The following ZFP90 variants were observed in gnomAD, a reference collection of about 807,000 sequenced individuals.
ZFP90 encodes the protein zinc finger protein 90 homolog.
In ZFP90, 38 loss-of-function variants were observed where a neutral mutation model predicts 60.8. The observed-to-expected ratio is 0.62, with a 90% CI of 0.48 to 0.82. The LOEUF (loss-of-function observed/expected upper bound fraction) is 0.82, where lower values mean the gene tolerates loss of function less well. Among genes scored for constraint, ZFP90 ranks in the 40% least tolerant of loss-of-function variants. The pLI is 0.00. For missense variants in ZFP90, 711 were observed against 759.1 expected (o/e 0.94, Z 0.74); for synonymous variants, 287 against 264.8 (o/e 1.08, Z -0.82).
chr16:68,539,446 G>A lies in ZFP90; in HGVS notation c.-69G>A, dbSNP rs1270558712. ...AGGCTCTGGGTGGGCCGGAGGTCGC[G>A]AAATCCGGAGCCCCCCAGAGGCGGT... On this transcript the variant is annotated 5_prime_UTR_variant, in exon 1 of 5. Coordinates refer to ENST00000563169, the MANE Select transcript of ZFP90 (RefSeq NM_001305203.2). 1.1e-5 allele frequency: 4 copies of A among 359,762 alleles called. No individual in the cohort carries two copies. Among genetic ancestry groups the A allele is most frequent in the Non-Finnish European group, 1.5e-5 (3 of 199,484 alleles). The allele number at this position is 359,762 out of a possible 1,614,324, so 22.3% of individuals were successfully genotyped here.
chr16:68,565,803 A>G lies in ZFP90; in HGVS notation c.*1105A>G. On this transcript the variant is annotated 3_prime_UTR_variant, in exon 5 of 5. Transcript: ENST00000563169. Reference sequence around the variant, plus strand: ...GAAGCAACATGCACTGGCTCATTTTATGTGCAAAGAAAAGATTTCACCATT... The same window carrying G: ...GAAGCAACATGCACTGGCTCATTTTGTGTGCAAAGAAAAGATTTCACCATT... 1.0e-6 allele frequency: 1 copy of G among 985,434 alleles called. No homozygotes were observed. The highest frequency in any genetic ancestry group is 1.2e-6 in the Non-Finnish European group (1 of 829,910). The allele number at this position is 985,434 out of a possible 1,614,324, so 61.0% of individuals were successfully genotyped here.
Position 68,564,042 on chromosome 16 carries a change from G to C in ZFP90, c.1255G>C (p.Gly419Arg). The C allele has an allele frequency of 6.2e-7, 1 of 1,614,074 alleles. No individual in the cohort carries two copies. The highest frequency in any genetic ancestry group is 8.5e-7 in the Non-Finnish European group (1 of 1,180,006). Residue 419 changes from glycine to arginine, a missense_variant, in exon 5 of 5, where the codon GGC (glycine) becomes CGC (arginine). Coordinates refer to ENST00000563169, the MANE Select transcript of ZFP90 (RefSeq NM_001305203.2). ...TAAACATATGAGGATTCATAAGAGA[G>C]GCAAACCTTACCAAAGCAGTAACTA... The part of the protein sequence containing the change: ...LYKHMRIHKR[G>R]KPYQSSNYSI...
At chr16:68,533,983 A>C (rs949136335) in intron 2 of ZFP90, 23 of 152,136 alleles carry the variant, frequency 1.5e-4, no homozygotes, top group African/African-American at 5.6e-4. Flanking sequence ...CAGAATCTTT[A>C]TATCTTTAAT....
downstream of ZFP90, among the ~76,000 whole-genome samples, chr16:68,569,392 C>A (rs2091555441): frequency 6.6e-6 from 1 of 152,156 alleles, no homozygotes; most frequent in Non-Finnish European, 1.5e-5. Flanking sequence ...GTGTCGGCCT[C>A]CCAAAGTGCT....
chr16:68,575,897 T>C, exon 3 of ZFP90: 1 of 398,340 alleles, frequency 2.5e-6, no homozygotes, highest in East Asian at 3.6e-5. Flanking sequence ...AATGGCTAAG[T>C]AAGGACCTCC....
intron 2 of ZFP90, among the ~76,000 whole-genome samples, chr16:68,541,113 G>T (rs903830566): frequency 1.3e-5 from 2 of 151,824 alleles, no homozygotes; most frequent in Non-Finnish European, 2.9e-5. Context: ...TCGGCTCACT[G>T]CAACCTCCAC....
chr16:68,560,153 C>T (rs1373919106), intron 4 of ZFP90, among the ~76,000 whole-genome samples: 18 of 106,780 alleles, frequency 1.7e-4, no homozygotes, highest in Admixed American at 1.5e-3. Context: ...CCATGAGATT[C>T]ACCCCTTTAG....
At position 68,566,266 on chromosome 16, in the gene ZFP90, C is replaced by T; in HGVS notation, c.*1568C>T. The T allele has an allele frequency of 1.0e-6, 1 of 985,598 alleles. No homozygotes were observed. The allele number at this position is 985,598 out of a possible 1,614,324, so 61.1% of individuals were successfully genotyped here. On this transcript the variant is annotated 3_prime_UTR_variant, in exon 5 of 5. Transcript: ENST00000563169. ...TCCAGAACCTTTGTTGGTGTGTTGA[C>T]ATTGACCATGCAGACCAATTTGGGC...
At chr16:68,542,285 A>C (rs1012806832) in intron 2 of ZFP90, among the ~76,000 whole-genome samples, 3 of 152,064 alleles carry the variant, frequency 2.0e-5, no homozygotes, top group Non-Finnish European at 2.9e-5. Context: ...TGGAGTTTTC[A>C]CCTTTGAATA....
upstream of ZFP90, among the ~76,000 whole-genome samples, chr16:68,537,525 A>G (rs981036003): frequency 2.0e-5 from 3 of 152,234 alleles, no homozygotes; most frequent in Admixed American, 6.5e-5. Flanking sequence ...TGCTAATTCC[A>G]GACCACTATA....
intron 2 of ZFP90, among the ~76,000 whole-genome samples, chr16:68,554,163 C>T (rs1192157958): frequency 1.3e-5 from 2 of 150,922 alleles, no homozygotes; most frequent in Non-Finnish European, 3.0e-5. Flanking sequence ...GCTCTGTTGC[C>T]CCGGCTGGAG....
At chr16:68,547,830 A>ACC (rs138044678) in intron 2 of ZFP90, among the ~76,000 whole-genome samples, 1 of 145,016 alleles carries the variant, frequency 6.9e-6, no homozygotes, top group Non-Finnish European at 1.5e-5. Context: ...AATACAGTTG[A>ACC]TCTCTCTTTT....
At chr16:68,551,922 T>C (rs928045312) in intron 2 of ZFP90, among the ~76,000 whole-genome samples, 24 of 151,746 alleles carry the variant, frequency 1.6e-4, no homozygotes, top group African/African-American at 5.8e-4. Flanking sequence ...CCGTGCCCGG[T>C]TAATTTTTTT....
At chr16:68,574,936 A>AAAAC (rs1308397893) in intron 2 of ZFP90, among the ~76,000 whole-genome samples, 1 of 151,750 alleles carries the variant, frequency 6.6e-6, no homozygotes, top group African/African-American at 2.4e-5. Context: ...CAAAAAAAAA[A>AAAAC]AAAAAAGTGG....
chr16:68,535,699 C>G (rs998570664), upstream of ZFP90: 1 of 152,128 alleles, frequency 6.6e-6, no homozygotes, highest in Non-Finnish European at 1.5e-5. Flanking sequence ...AAGTTTGCCT[C>G]ATTTGGCAAA....
At position 68,564,647 on chromosome 16, in the gene ZFP90, A is replaced by G. The variant is rs754203189; in HGVS notation, c.1860A>G (p.Arg620=). ...SCKECGKNFS[R]SSALTKHQRI... ...AGGAATGTGGGAAAAACTTCAGCCG[A>G]AGTTCAGCTCTTACTAAACACCAGA... Residue 620 remains arginine, a synonymous_variant, in exon 5 of 5, where the codon CGA becomes CGG. Transcript: ENST00000563169. 16 of 1,613,864 alleles carry G rather than the reference A, an allele frequency of 9.9e-6. No individual in the cohort carries two copies. Among genetic ancestry groups the G allele is most frequent in the Non-Finnish European group, 1.4e-5 (16 of 1,179,968 alleles).
chr16:68,570,815 A>G (rs1417947330), downstream of ZFP90, among the ~76,000 whole-genome samples: 3 of 151,938 alleles, frequency 2.0e-5, no homozygotes, highest in Admixed American at 2.0e-4. Context: ...CTTCCAGGTT[A>G]CACTTACTAG....
intron 2 of ZFP90, among the ~76,000 whole-genome samples, chr16:68,555,563 C>G (rs1017563987): frequency 6.6e-6 from 1 of 152,178 alleles, no homozygotes; most frequent in African/African-American, 2.4e-5. Flanking sequence ...CAGGTACTTG[C>G]TGGACAATGG....
chr16:68,550,270 A>G (rs562497921), intron 2 of ZFP90, among the ~76,000 whole-genome samples: 2 of 152,030 alleles, frequency 1.3e-5, no homozygotes, highest in African/African-American at 4.8e-5. Context: ...ATTTTATTTT[A>G]TTTATTTGAA....
Sources: gnomAD v4.1 joint callset for allele counts (sites outside exome capture counted in the v4.1 genomes callset) on GRCh38, gnomAD v4.1.1 for gene constraint, MANE v1.5 for transcripts, NCBI Gene and HGNC (gene_info 2026-07-23, HGNC 2026-07-21) for gene names.